The following USP25 variants were observed in gnomAD, a reference collection of about 807,000 sequenced individuals.
The protein encoded by USP25 is ubiquitin specific peptidase 25.
A neutral mutation model predicts 158.5 loss-of-function variants in USP25; 85 were observed. That is an observed-to-expected ratio of 0.54 (90% CI 0.45 to 0.64). The LOEUF (loss-of-function observed/expected upper bound fraction) is 0.64, where lower values mean the gene tolerates loss of function less well. USP25 is among the 30% of genes least tolerant of loss of function. The pLI, the probability that USP25 is intolerant of heterozygous loss-of-function variation, is 0.00. For missense variants in USP25, 1,242 were observed against 1,327.3 expected (o/e 0.94, Z 1.00); for synonymous variants, 464 against 460.4 (o/e 1.01, Z -0.10).
chr21:15,875,107 G>C lies in USP25; in HGVS notation c.3009+581G>C, dbSNP rs2040049485. 6.6e-6 allele frequency among the ~76,000 whole-genome samples: 1 copy of C among 152,196 alleles called. No homozygotes were observed. The highest frequency in any genetic ancestry group is 2.4e-5 in the African/African-American group (1 of 41,438). On this transcript the variant is annotated intron_variant, in intron 24 of 25. Transcript: ENST00000400183. This position sits in a 1 kb window ranked among gnomAD's most constrained non-coding sequence, Gnocchi z 4.7. ...GAATCGCATGAACCTGGGAAGTGGA[G>C]GTTGCCTTGAGCCAAGATCGCGCCA... is the stretch of plus-strand genomic sequence containing the variant.
intron 9 of USP25, among the ~76,000 whole-genome samples, chr21:15,815,528 AG>A (rs1462182757): frequency 6.6e-6 from 1 of 152,224 alleles, no homozygotes; most frequent in Non-Finnish European, 1.5e-5. Flanking sequence ...GGAGCTGCCC[AG>A]GACCATGGGA....
chr21:15,856,518 C>A (rs558493360), intron 20 of USP25, among the ~76,000 whole-genome samples: 1 of 151,790 alleles, frequency 6.6e-6, no homozygotes, highest in Non-Finnish European at 1.5e-5. Flanking sequence ...GTCGCCCAGG[C>A]TGGAGTGCAG....
chr21:15,846,128 A>G (rs369273104), intron 18 of USP25, among the ~76,000 whole-genome samples: 7,221 of 48,250 alleles, frequency 0.15, 425 homozygotes, highest in East Asian at 0.26. Flanking sequence ...GTGTGTATAT[A>G]TATATATATA....
chr21:15,738,517 A>G (rs1245393604), intron 1 of USP25, among the ~76,000 whole-genome samples: 2 of 152,212 alleles, frequency 1.3e-5, no homozygotes, highest in South Asian at 2.1e-4. Context: ...ATAATTTCTG[A>G]TAACTGTTAT....
At chr21:15,817,581 T>C (rs918255252) in intron 9 of USP25, among the ~76,000 whole-genome samples, 4 of 152,162 alleles carry the variant, frequency 2.6e-5, no homozygotes, top group Non-Finnish European at 5.9e-5. Flanking sequence ...AGAGGTTTAA[T>C]GGACTCACAG....
chr21:15,794,916 G>GTATC (rs1568815181), intron 5 of USP25, among the ~76,000 whole-genome samples: 1 of 151,492 alleles, frequency 6.6e-6, no homozygotes, highest in Non-Finnish European at 1.5e-5. Flanking sequence ...ATCTAAAGTA[G>GTATC]TACGTGAGGA....
intron 10 of USP25, 134 bp downstream of exon 10, chr21:15,818,980 T>C (rs2037092566): frequency 8.8e-7 from 1 of 1,138,018 alleles, no homozygotes; most frequent in African/African-American, 1.5e-5. Flanking sequence ...TTGGATTTAA[T>C]TGGTAATTTA....
At chr21:15,771,125 A>G (rs2823480) in intron 3 of USP25, among the ~76,000 whole-genome samples, 17,923 of 152,258 alleles carry the variant, frequency 0.12, 1,922 homozygotes, top group African/African-American at 0.28. Context: ...TTTATAGACC[A>G]TTAAGAAAGC....
At chr21:15,807,299 T>G (rs2036440677) in intron 7 of USP25, among the ~76,000 whole-genome samples, 1 of 152,200 alleles carries the variant, frequency 6.6e-6, no homozygotes, top group South Asian at 2.1e-4. Flanking sequence ...TAGATTGATT[T>G]CTAAGAAAGA....
chr21:15,814,741 G>A (rs778638182), intron 9 of USP25, among the ~76,000 whole-genome samples: 7 of 152,136 alleles, frequency 4.6e-5, no homozygotes, highest in Non-Finnish European at 8.8e-5. Flanking sequence ...AGATGACTTG[G>A]GAGCTATTAA....
rs985888285 is a variant in USP25, at chr21:15,816,467, A to G, written c.932-2231A>G. The stretch of plus-strand genomic sequence containing the variant: ...CCTTTTTCCTATTCTTTCCTTAAAA[A>G]CACATTTCTCTGGCTTTTGTAACAC... On this transcript the variant is annotated intron_variant, in intron 9 of 25. Coordinates refer to ENST00000400183, the MANE Select transcript of USP25 (RefSeq NM_001283041.3). This position sits in a 1 kb window ranked among gnomAD's most constrained non-coding sequence, Gnocchi z 4.0. Among the ~76,000 whole-genome samples the G allele has an allele frequency of 1.3e-5, 2 of 152,086 alleles. No homozygotes were observed. Among genetic ancestry groups the G allele is most frequent in the Non-Finnish European group, 2.9e-5 (2 of 68,018 alleles).
intron 3 of USP25, among the ~76,000 whole-genome samples, chr21:15,767,791 A>G (rs2034127782): frequency 6.6e-6 from 1 of 152,082 alleles, no homozygotes; most frequent in African/African-American, 2.4e-5. Flanking sequence ...CTTAATATAG[A>G]TGGTATACTT....
intron 23 of USP25, among the ~76,000 whole-genome samples, chr21:15,871,298 G>A (rs1469307453): frequency 1.3e-5 from 2 of 152,098 alleles, no homozygotes; most frequent in East Asian, 1.9e-4. Flanking sequence ...TCCAATTTAT[G>A]AGTTATGTCA....
At chr21:15,870,206 G>A in intron 23 of USP25, 59 bp downstream of exon 23, 1 of 1,155,966 alleles carries the variant, frequency 8.7e-7, no homozygotes. Flanking sequence ...TTCTATTCAG[G>A]TGTGACCTCA....
chr21:15,826,151 C>G lies in USP25; in HGVS notation c.1305-53C>G. 1 of 1,535,778 alleles carries G rather than the reference C, an allele frequency of 6.5e-7. No homozygotes were observed. Among genetic ancestry groups the G allele is most frequent in the South Asian group, 1.3e-5 (1 of 79,422 alleles). ...CACGTTTTATAATAATAATAAAGGC[C>G]CAAATATGCTGTATATAGAAATAAA... On this transcript the variant is annotated intron_variant, in intron 12 of 25. Transcript: ENST00000400183. The surrounding 1 kb of genome is among the most constrained non-coding windows in gnomAD (Gnocchi z 4.8).
At position 15,827,084 on chromosome 21, in the gene USP25, C is replaced by G. The variant is rs759604913; in HGVS notation, c.1574C>G (p.Ser525Cys). 1 of 1,614,052 alleles carries G rather than the reference C, an allele frequency of 6.2e-7. No homozygotes were observed. Among genetic ancestry groups the G allele is most frequent in the Admixed American group, 1.7e-5 (1 of 59,994 alleles). Residue 525 changes from serine to cysteine, a missense_variant, in exon 14 of 26, where the codon TCC (serine) becomes TGC (cysteine). Ser to Cys is a moderately radical substitution (Grantham distance 112). Coordinates refer to ENST00000400183, the MANE Select transcript of USP25 (RefSeq NM_001283041.3). Reference protein sequence around the residue: ...RSVIHKPFTQSRIPPDLPMHP... With the variant: ...RSVIHKPFTQCRIPPDLPMHP... ...GTAATACACAAACCATTTACTCAGT[C>G]CCGGATACCTCCAGATTTGCCCATG...
Position 15,816,270 on chromosome 21 carries a change from C to T in USP25, c.932-2428C>T, listed in dbSNP as rs145175703. The stretch of plus-strand genomic sequence containing the variant: ...CATGTAAGAAGTGCCTTTTGCCTCC[C>T]GCCACGATTCTGAGGGCTTCCCAGC... On this transcript the variant is annotated intron_variant, in intron 9 of 25. Coordinates refer to ENST00000400183, the MANE Select transcript of USP25 (RefSeq NM_001283041.3). The surrounding 1 kb of genome is among the most constrained non-coding windows in gnomAD (Gnocchi z 4.0). Among the ~76,000 whole-genome samples the T allele has an allele frequency of 2.6e-4, 40 of 152,210 alleles. No individual in the cohort carries two copies. The highest frequency in any genetic ancestry group is 6.3e-4 in the African/African-American group (26 of 41,540).
chr21:15,822,025 AAAT>A (rs760865381), intron 10 of USP25, among the ~76,000 whole-genome samples: 24 of 151,928 alleles, frequency 1.6e-4, no homozygotes, highest in African/African-American at 5.3e-4. Context: ...TTATCTAGTA[AAAT>A]AATAATATGT....
intron 1 of USP25, among the ~76,000 whole-genome samples, chr21:15,735,966 GTGTGTGTGTGTGTGTA>G (rs887104835): frequency 4.8e-5 from 7 of 145,026 alleles, no homozygotes; most frequent in African/African-American, 1.6e-4. Flanking sequence ...TCCTAAATCT[GTGTGTGTGTGTGTGTA>G]TGTGTGTGTG....
Sources: allele counts gnomAD v4.1 joint callset (sites outside exome capture counted in the v4.1 genomes callset), GRCh38; gene constraint gnomAD v4.1.1; non-coding constraint Gnocchi (gnomAD v3.1); transcripts MANE v1.5; gene names NCBI Gene and HGNC (gene_info 2026-07-23, HGNC 2026-07-21).